Variants in SEMA6D observed in about 807,000 individuals in gnomAD.
The protein encoded by SEMA6D is semaphorin 6D, also known as semaphorin-6D.
SEMA6D carries 35 observed loss-of-function variants against 106.6 expected under a neutral mutation model. That is an observed-to-expected ratio of 0.33 (90% CI 0.25 to 0.44). The LOEUF is 0.44. Ranked by LOEUF, SEMA6D falls within the 20% of genes least tolerant of loss-of-function variation. The pLI is 1.00. For synonymous variants in SEMA6D, 499 were observed against 487.7 expected (o/e 1.02, Z -0.31); for missense variants, 1,185 against 1,345.9 (o/e 0.88, Z 1.87).
chr15:47,758,600 G>T (rs956576327), intron 1 of SEMA6D, among the ~76,000 whole-genome samples: 2 of 152,108 alleles, frequency 1.3e-5, no homozygotes, highest in African/African-American at 2.4e-5. Context: ...AATTAATGCT[G>T]TGTTTTGATA....
At chr15:47,566,408 T>G (rs1348641195) in intron 3 of SEMA6D, among the ~76,000 whole-genome samples, 2 of 152,218 alleles carry the variant, frequency 1.3e-5, no homozygotes, top group South Asian at 2.1e-4. Context: ...CTGGAGTGTG[T>G]TCACTTGAAC....
At chr15:47,518,318 G>A (rs1446050143) in intron 3 of SEMA6D, among the ~76,000 whole-genome samples, 1 of 152,148 alleles carries the variant, frequency 6.6e-6, no homozygotes, top group Non-Finnish European at 1.5e-5. Context: ...TACAGGATAA[G>A]CCTTTGTCTT....
At chr15:47,297,418 C>T (rs1005364545) in intron 1 of SEMA6D, among the ~76,000 whole-genome samples, 10 of 151,958 alleles carry the variant, frequency 6.6e-5, no homozygotes, top group African/African-American at 2.4e-4. Flanking sequence ...TACTTTTTTC[C>T]TCTCACTGTG....
intron 1 of SEMA6D, among the ~76,000 whole-genome samples, chr15:47,347,117 A>G (rs1034309809): frequency 6.6e-6 from 1 of 152,172 alleles, no homozygotes; most frequent in African/African-American, 2.4e-5. Flanking sequence ...CATGTTGGCC[A>G]GGCTGGTCTT....
chr15:47,323,020 G>C (rs137984424), intron 1 of SEMA6D, among the ~76,000 whole-genome samples: 117 of 152,228 alleles, frequency 7.7e-4, no homozygotes, highest in African/African-American at 2.6e-3. Context: ...CCATCTACCT[G>C]TCTTGTTTAT....
intron 1 of SEMA6D, among the ~76,000 whole-genome samples, chr15:47,743,603 A>G (rs2080946790): frequency 6.6e-6 from 1 of 152,204 alleles, no homozygotes; most frequent in Admixed American, 6.5e-5. Flanking sequence ...CCAGATTTTC[A>G]TGGCCGGAGA....
intron 2 of SEMA6D, among the ~76,000 whole-genome samples, chr15:47,453,115 T>C (rs530406257): frequency 6.6e-6 from 1 of 152,120 alleles, no homozygotes; most frequent in South Asian, 2.1e-4. Context: ...AACAAATCTG[T>C]GCTTTCTCAA....
intron 1 of SEMA6D, among the ~76,000 whole-genome samples, chr15:47,353,437 A>T (rs1469439163): frequency 1.3e-5 from 2 of 152,280 alleles, no homozygotes; most frequent in Non-Finnish European, 2.9e-5. Context: ...GCTTCTAACA[A>T]AGAGTTGCAC....
intron 1 of SEMA6D, among the ~76,000 whole-genome samples, chr15:47,333,603 T>A (rs1193472551): frequency 6.6e-6 from 1 of 152,152 alleles, no homozygotes; most frequent in Non-Finnish European, 1.5e-5. Context: ...TTTGATGGCA[T>A]ACATCATTCA....
At chr15:47,698,787 A>C (rs1438983066) in intron 4 of SEMA6D, among the ~76,000 whole-genome samples, 1 of 152,172 alleles carries the variant, frequency 6.6e-6, no homozygotes, top group Non-Finnish European at 1.5e-5. Context: ...TTGTCAATGC[A>C]ACATTCCATG....
chr15:47,234,772 A>G (rs2032433563), intron 1 of SEMA6D, among the ~76,000 whole-genome samples: 1 of 152,060 alleles, frequency 6.6e-6, no homozygotes, highest in Non-Finnish European at 1.5e-5. Context: ...GGTTGGCTCC[A>G]TATCTTTGCA....
rs1175504736 is a variant in SEMA6D, at chr15:47,202,985, T to C, written c.-239+18567T>C. ...ACAACATCTCTTTCTTTCCTTTTAG[T>C]GAAAACAAAGAAGGCAAAATATTTA... On this transcript the variant is annotated intron_variant, in intron 1 of 19. Coordinates refer to the SEMA6D transcript ENST00000558014. Among the ~76,000 whole-genome samples the C allele has an allele frequency of 2.6e-5, 4 of 152,190 alleles. No individual in the cohort carries two copies. The South Asian group carries it at 8.3e-4, about 31-fold the overall frequency.
At chr15:47,642,713 G>T (rs74014035) in intron 4 of SEMA6D, among the ~76,000 whole-genome samples, 33 of 152,096 alleles carry the variant, frequency 2.2e-4, no homozygotes, top group Non-Finnish European at 4.6e-4. Context: ...CATCACTTCT[G>T]GGGGGACAGG....
chr15:47,684,155 T>C (rs1256731670), intron 4 of SEMA6D, among the ~76,000 whole-genome samples: 1 of 152,176 alleles, frequency 6.6e-6, no homozygotes, highest in Admixed American at 6.5e-5. Flanking sequence ...AAACACTGCC[T>C]ACACTAAAAT....
Position 47,767,098 on chromosome 15 carries a change from G to T in SEMA6D, c.1765+5G>T. 1 of 1,555,872 alleles carries T rather than the reference G, an allele frequency of 6.4e-7. No individual in the cohort carries two copies. Among genetic ancestry groups the T allele is most frequent in the Non-Finnish European group, 8.7e-7 (1 of 1,145,898 alleles). Reference sequence around the variant, plus strand: ...TATTTGGCGGTCCAACATCTGGTTAGTTTTTTTTAATTTTTTTGAATTAAC... The same window carrying T: ...TATTTGGCGGTCCAACATCTGGTTATTTTTTTTTAATTTTTTTGAATTAAC... On this transcript the variant is annotated splice_donor_5th_base_variant and intron_variant, in intron 17 of 18. Coordinates refer to ENST00000536845, the MANE Select transcript of SEMA6D (RefSeq NM_001358351.3).
chr15:47,583,403 C>A (rs1308140424), intron 3 of SEMA6D, among the ~76,000 whole-genome samples: 3 of 152,164 alleles, frequency 2.0e-5, no homozygotes, highest in Non-Finnish European at 4.4e-5. Flanking sequence ...GGGGCATCTT[C>A]TGCTCGTGAG....
chr15:47,464,093 G>A (rs181113076), intron 2 of SEMA6D, among the ~76,000 whole-genome samples: 30 of 152,140 alleles, frequency 2.0e-4, no homozygotes, highest in African/African-American at 6.5e-4. Context: ...GCTATATAAG[G>A]TAATATTCAC....
chr15:47,209,878 C>T (rs1895363026), intron 1 of SEMA6D, among the ~76,000 whole-genome samples: 1 of 152,076 alleles, frequency 6.6e-6, no homozygotes, highest in Non-Finnish European at 1.5e-5. Flanking sequence ...GCCAAAGGAG[C>T]AATTGCCAAG....
intron 1 of SEMA6D, among the ~76,000 whole-genome samples, chr15:47,270,549 C>T (rs554073276): frequency 5.9e-5 from 9 of 151,688 alleles, no homozygotes; most frequent in Non-Finnish European, 1.0e-4. Flanking sequence ...TCAATCTTAG[C>T]GGAAAAAAAT....
Sources: allele counts gnomAD v4.1 joint callset (sites outside exome capture counted in the v4.1 genomes callset), GRCh38; gene constraint gnomAD v4.1.1; transcripts MANE v1.5; gene names NCBI Gene and HGNC (gene_info 2026-07-23, HGNC 2026-07-21).